Variants in CRACD observed in about 807,000 individuals in gnomAD.
CRACD encodes capping protein-inhibiting regulator of actin dynamics.
A neutral mutation model predicts 106.8 loss-of-function variants in CRACD; 56 were observed. That is an observed-to-expected ratio of 0.52 (90% CI 0.42 to 0.66). The LOEUF (loss-of-function observed/expected upper bound fraction) is 0.66. Among genes scored for constraint, CRACD ranks in the 30% least tolerant of loss-of-function variants. CRACD has a pLI of 0.00. For synonymous variants in CRACD, 754 were observed against 670.8 expected, an observed-to-expected ratio of 1.12 and a Z score of -1.92; for missense variants, 1,730 against 1,623.2, an observed-to-expected ratio of 1.07 and a Z score of -1.13.
chr4:56,289,606 C>G (rs1004312053), intron 3 of CRACD, among the ~76,000 whole-genome samples: 1 of 150,688 alleles, frequency 6.6e-6, no homozygotes, highest in Non-Finnish European at 1.5e-5. Context: ...CTGGAGAGTT[C>G]GAAGCTGCAG....
intron 1 of CRACD, among the ~76,000 whole-genome samples, chr4:56,133,513 GAGAA>G (rs1734892652): frequency 6.6e-6 from 1 of 152,270 alleles, no homozygotes; most frequent in African/African-American, 2.4e-5. Context: ...AAATGTGTAA[GAGAA>G]AGTATTACTC....
At chr4:56,094,269 C>T (rs1030864532) in intron 1 of CRACD, among the ~76,000 whole-genome samples, 1 of 152,104 alleles carries the variant, frequency 6.6e-6, no homozygotes, top group African/African-American at 2.4e-5. Context: ...GTGCTTTCTT[C>T]CCTAAGTAGT....
At chr4:56,222,116 G>A (rs11732962) in intron 2 of CRACD, among the ~76,000 whole-genome samples, 42,740 of 152,096 alleles carry the variant, frequency 0.28, 6,780 homozygotes, top group African/African-American at 0.44. Context: ...ACAATTCACA[G>A]TTGCAAAGAT....
chr4:56,329,966 G>A lies in CRACD; in HGVS notation c.*2162G>A, dbSNP rs1040709737. Among the ~76,000 whole-genome samples, 4 of 152,122 alleles carry A rather than the reference G, an allele frequency of 2.6e-5. No individual in the cohort carries two copies. Among genetic ancestry groups the A allele is most frequent in the African/African-American group, 9.7e-5 (4 of 41,430 alleles). On this transcript the variant is annotated 3_prime_UTR_variant, in exon 11 of 11. Transcript: ENST00000682029. ...TTCCATCAAAGTCTTTAAAAGAAGA[G>A]TATACTGAAGAAAGGGCAGTCACAA... is the stretch of plus-strand genomic sequence containing the variant.
chr4:56,165,314 C>A (rs1463832049), intron 1 of CRACD, among the ~76,000 whole-genome samples: 2 of 152,210 alleles, frequency 1.3e-5, no homozygotes, highest in East Asian at 3.9e-4. Context: ...GAAATCCCTG[C>A]TCCTCTGGAG....
chr4:56,187,005 C>T (rs115565069), intron 2 of CRACD, among the ~76,000 whole-genome samples: 5,017 of 151,802 alleles, frequency 0.033, 117 homozygotes, highest in Admixed American at 0.056. Flanking sequence ...GAGGGTTGAG[C>T]CTGCAGTGAG....
chr4:56,080,449 G>T (rs1732984143), intron 1 of CRACD, among the ~76,000 whole-genome samples: 1 of 152,208 alleles, frequency 6.6e-6, no homozygotes, highest in Admixed American at 6.5e-5. Flanking sequence ...TTTTAAGGGT[G>T]TTTTATGACG....
chr4:56,316,241 CCCT>C lies in CRACD; in HGVS notation c.2740_2742del (p.Pro914del). 1.2e-6 allele frequency: 2 copies of C among 1,613,960 alleles called. No individual in the cohort carries two copies. The highest frequency in any genetic ancestry group is 1.7e-6 in the Non-Finnish European group (2 of 1,179,832). ...CCCTCCCCCAAGAGCGGAAGCAAGC[CCCT>C]TCCACCCGGAGGGACTCCGCTGAAC... On this transcript the variant is annotated inframe_deletion, in exon 8 of 11. Transcript: ENST00000682029.
At chr4:56,214,563 G>T (rs147863288) in intron 2 of CRACD, among the ~76,000 whole-genome samples, 2 of 151,064 alleles carry the variant, frequency 1.3e-5, no homozygotes, top group East Asian at 3.9e-4. Context: ...TTGCACTCCA[G>T]CCCGGGCAAC....
chr4:56,125,390 G>A (rs759165427), intron 1 of CRACD, among the ~76,000 whole-genome samples: 2 of 151,850 alleles, frequency 1.3e-5, no homozygotes, highest in Non-Finnish European at 2.9e-5. Context: ...TATACTCATG[G>A]ATTTTAAATT....
intron 1 of CRACD, among the ~76,000 whole-genome samples, chr4:56,152,006 G>A (rs1201388380): frequency 2.2e-5 from 3 of 135,246 alleles, no homozygotes; most frequent in African/African-American, 8.7e-5. Context: ...TGAGCAAATA[G>A]TTTTTTCTTT....
intron 1 of CRACD, among the ~76,000 whole-genome samples, chr4:56,094,278 GT>G (rs956065419): frequency 6.6e-6 from 1 of 152,086 alleles, no homozygotes; most frequent in African/African-American, 2.4e-5. Flanking sequence ...TCCCTAAGTA[GT>G]CATTATTTTA....
rs772736089 is a variant in CRACD at position 56,315,085 on chromosome 4, A to G, written c.1583A>G (p.Asp528Gly). Residue 528 changes from aspartate to glycine, a missense_variant, in exon 8 of 11, where the codon GAC (aspartate) becomes GGC (glycine). By Grantham distance (94) the Asp-to-Gly change is moderately conservative. This residue lies in a region of CRACD where 1,620 missense variants were observed against 1,481.6 expected (regional missense o/e 1.09). Transcript: ENST00000682029. This position sits in a 1 kb window ranked among gnomAD's most constrained non-coding sequence, Gnocchi z 4.1. ...KVEELRWQEV[D>G]ERQTMPRPYT... Reference sequence around the variant, plus strand: ...GAGGAGCTGCGGTGGCAGGAGGTGGACGAGAGACAGACCATGCCCCGGCCC... The same window carrying G: ...GAGGAGCTGCGGTGGCAGGAGGTGGGCGAGAGACAGACCATGCCCCGGCCC... 3 of 1,610,930 alleles carry G rather than the reference A, an allele frequency of 1.9e-6. No homozygotes were observed. Among genetic ancestry groups the G allele is most frequent in the Non-Finnish European group, 8.5e-7 (1 of 1,179,206 alleles).
intron 2 of CRACD, among the ~76,000 whole-genome samples, chr4:56,214,608 G>A (rs191772131): frequency 4.7e-5 from 7 of 147,812 alleles, no homozygotes; most frequent in Non-Finnish European, 1.0e-4. Context: ...AAAAAAAAGA[G>A]ACATATCGCA....
chr4:56,277,322 AG>A (rs1742730404), intron 3 of CRACD, among the ~76,000 whole-genome samples: 1 of 152,196 alleles, frequency 6.6e-6, no homozygotes, highest in Non-Finnish European at 1.5e-5. Context: ...CAGGAGTGCA[AG>A]GTTGGTTTAA....
intron 3 of CRACD, among the ~76,000 whole-genome samples, chr4:56,275,500 A>G (rs1311462723): frequency 6.6e-6 from 1 of 152,170 alleles, no homozygotes; most frequent in African/African-American, 2.4e-5. Context: ...AAAAATACAT[A>G]TTTCTCTTTT....
Position 56,329,690 on chromosome 4 carries a change from G to T in CRACD, c.*1886G>T, listed in dbSNP as rs532939584. 6.6e-6 allele frequency among the ~76,000 whole-genome samples: 1 copy of T among 152,226 alleles called. No homozygotes were observed. Among genetic ancestry groups the T allele is most frequent in the East Asian group, 1.9e-4 (1 of 5,180 alleles). On this transcript the variant is annotated 3_prime_UTR_variant, in exon 11 of 11. Transcript: ENST00000682029. ...TATGTAGGCATTTGTTAGTTCCAAT[G>T]ATTTCCTCACTAATATAACACTTTT... is the stretch of plus-strand genomic sequence containing the variant.
rs1183251884 is a variant in CRACD at position 56,314,095 on chromosome 4, G to C, written c.593G>C (p.Gly198Ala). The change falls in exon 8 of 11, where the codon GGA (glycine) becomes GCA (alanine). Residue 198 changes from glycine to alanine, a missense_variant. This residue lies in a region of CRACD where 1,620 missense variants were observed against 1,481.6 expected (regional missense o/e 1.09). Coordinates refer to ENST00000682029, the MANE Select transcript of CRACD (RefSeq NM_001393381.1). This position sits in a 1 kb window ranked among gnomAD's most constrained non-coding sequence, Gnocchi z 4.4. ...AGTCGGCCCTGCCTGGACCAGAACG[G>C]ACACCCAGGCGAGGACAAGCCAACG... ...LESRPCLDQNGHPGEDKPTWH... is the reference protein window; with the variant it reads ...LESRPCLDQNAHPGEDKPTWH... The C allele has an allele frequency of 6.2e-7, 1 of 1,614,050 alleles. No homozygotes were observed. Among genetic ancestry groups the C allele is most frequent in the African/African-American group, 1.3e-5 (1 of 74,942 alleles).
intron 2 of CRACD, among the ~76,000 whole-genome samples, chr4:56,265,421 T>G (rs1318076137): frequency 2.0e-5 from 3 of 151,654 alleles, no homozygotes; most frequent in Non-Finnish European, 4.4e-5. Flanking sequence ...TGTGTGTGTG[T>G]GTGTGTGTGT....
Sources: allele counts gnomAD v4.1 joint callset (sites outside exome capture counted in the v4.1 genomes callset), GRCh38; gene constraint gnomAD v4.1.1; regional missense constraint gnomAD v4.1.1; non-coding constraint Gnocchi (gnomAD v3.1); transcripts MANE v1.5; gene names NCBI Gene and HGNC (gene_info 2026-07-23, HGNC 2026-07-21).